Variants in PPP1R7 observed in about 807,000 individuals in gnomAD.
PPP1R7 encodes the protein protein phosphatase 1 regulatory subunit 7.
In PPP1R7, 18 loss-of-function variants were observed where a neutral mutation model predicts 45.2. The ratio of observed to expected loss-of-function variants is 0.40; its 90% confidence interval spans 0.28 to 0.59. PPP1R7 has a LOEUF of 0.59. Among genes scored for constraint, PPP1R7 ranks in the 20% least tolerant of loss-of-function variants. The pLI is 0.46. For synonymous variants in PPP1R7, 181 were observed against 183.4 expected (o/e 0.99, Z 0.11); for missense variants, 314 against 455.8 (o/e 0.69, Z 2.83).
chr2:241,151,536 A>C (rs1253293283), intron 1 of PPP1R7: 1 of 471,224 alleles, frequency 2.1e-6, no homozygotes, highest in Non-Finnish European at 4.4e-6. Context: ...CAAGACGGAG[A>C]AAACTGCTGT....
chr2:241,163,150 G>C (rs2067631370), intron 6 of PPP1R7, 135 bp from the exon 7 acceptor site: 2 of 656,132 alleles, frequency 3.0e-6, no homozygotes, highest in Non-Finnish European at 5.5e-6. Flanking sequence ...TCCACTGGAA[G>C]TCTTAGCAGA....
rs1458086892 is a variant in PPP1R7 at position 241,169,824 on chromosome 2, A to C, written c.863A>C (p.Lys288Thr). ...MLDIASNRIK[K>T]IENISHLTEL... ...GACATTGCATCAAATAGAATCAAAA[A>C]GATTGAAAATATCAGCCATCTAACA... The change falls in exon 9 of 10, where the codon AAG (lysine) becomes ACG (threonine). Residue 288 changes from lysine (K) to threonine (T), a missense_variant. Physicochemically the swap from Lys to Thr is moderately conservative, Grantham distance 78. Around this residue, in one of 3 missense-constraint regions of PPP1R7, gnomAD observed 168 missense variants for 285.3 expected, o/e 0.59. Coordinates refer to ENST00000234038, the MANE Select transcript of PPP1R7 (RefSeq NM_002712.3). 4 of 1,613,152 alleles carry C rather than the reference A, an allele frequency of 2.5e-6. No individual in the cohort carries two copies. Among genetic ancestry groups the C allele is most frequent in the Non-Finnish European group, 3.4e-6 (4 of 1,179,150 alleles).
chr2:241,154,893 A>T (rs2067417281), intron 2 of PPP1R7: 1 of 152,268 alleles, frequency 6.6e-6, no homozygotes, highest in Non-Finnish European at 1.5e-5. Flanking sequence ...ATTTATGAAG[A>T]AACAAACCTA....
intron 6 of PPP1R7, among the ~76,000 whole-genome samples, chr2:241,161,362 G>A (rs1176177217): frequency 2.4e-5 from 3 of 122,744 alleles, no homozygotes; most frequent in African/African-American, 9.6e-5. Flanking sequence ...ACATACCGGG[G>A]CTTTAGAAAG....
chr2:241,163,061 C>G (rs1295715553), intron 6 of PPP1R7, among the ~76,000 whole-genome samples: 1 of 152,126 alleles, frequency 6.6e-6, no homozygotes, highest in African/African-American at 2.4e-5. Context: ...CCTCAGCACC[C>G]CAGGAAATCT....
upstream of PPP1R7, chr2:241,150,210 G>A: frequency 1.6e-6 from 2 of 1,276,430 alleles, no homozygotes; most frequent in African/African-American, 1.5e-5. Flanking sequence ...TCTGCCTGCA[G>A]CTACGGCTCT....
chr2:241,159,425 T>C (rs1299155124), intron 5 of PPP1R7, 82 bp downstream of exon 5: 1 of 1,536,122 alleles, frequency 6.5e-7, no homozygotes, highest in Non-Finnish European at 8.9e-7. Context: ...GCCAACCTCC[T>C]GCTGGCTCTT....
intron 9 of PPP1R7, among the ~76,000 whole-genome samples, chr2:241,178,210 C>T (rs2067940135): frequency 6.6e-6 from 1 of 152,212 alleles, no homozygotes; most frequent in Non-Finnish European, 1.5e-5. Context: ...CTTTCTGCTC[C>T]CCTTCAGTCT....
At chr2:241,165,993 C>T (rs1159546955) in intron 7 of PPP1R7, among the ~76,000 whole-genome samples, 1 of 151,656 alleles carries the variant, frequency 6.6e-6, no homozygotes. Context: ...ATCTCCGCCT[C>T]CCGGGTTCAC....
intron 3 of PPP1R7, 80 bp from the exon 4 acceptor site, chr2:241,158,404 T>A: frequency 7.0e-7 from 1 of 1,427,040 alleles, no homozygotes; most frequent in Non-Finnish European, 9.9e-7. Context: ...TGCTGCCCAC[T>A]TCCAGGCCGC....
At chr2:241,176,291 C>T (rs1283320587) in intron 9 of PPP1R7, among the ~76,000 whole-genome samples, 1 of 152,156 alleles carries the variant, frequency 6.6e-6, no homozygotes, top group African/African-American at 2.4e-5. Context: ...CTACAGATAA[C>T]ATTGGAAAAT....
chr2:241,150,278 T>C, upstream of PPP1R7: 1 of 1,319,276 alleles, frequency 7.6e-7, no homozygotes, highest in South Asian at 2.3e-5. Context: ...TCCAGACTGT[T>C]CCGGCTCCGC....
intron 1 of PPP1R7, 29 bp downstream of exon 1, chr2:241,150,576 A>G (rs909139914): frequency 1.9e-6 from 3 of 1,577,718 alleles, no homozygotes; most frequent in Admixed American, 1.8e-5. Context: ...CGGCGGCCCA[A>G]GGGCCCAGCG....
intron 7 of PPP1R7, among the ~76,000 whole-genome samples, chr2:241,163,860 C>G (rs1309830642): frequency 2.0e-5 from 3 of 152,164 alleles, no homozygotes; most frequent in African/African-American, 7.2e-5. Flanking sequence ...AGTGATCTTC[C>G]TGCCTTGGCC....
At chr2:241,166,157 C>A (rs1288443902) in intron 7 of PPP1R7, among the ~76,000 whole-genome samples, 180 bp from the exon 8 acceptor site, 1 of 152,026 alleles carries the variant, frequency 6.6e-6, no homozygotes, top group African/African-American at 2.4e-5. Context: ...CCCACTCGGC[C>A]TCCCAAAGTG....
intron 2 of PPP1R7, among the ~76,000 whole-genome samples, chr2:241,156,581 C>T (rs1244685855): frequency 1.3e-5 from 2 of 152,118 alleles, no homozygotes; most frequent in African/African-American, 2.4e-5. Flanking sequence ...GAGCCTAAGA[C>T]AAGGATTGCT....
Position 241,167,088 on chromosome 2 carries a change from GC to G in PPP1R7, c.819+652del, listed in dbSNP as rs777507922. 17 of 1,610,054 alleles carry G rather than the reference GC, an allele frequency of 1.1e-5. No homozygotes were observed. In the South Asian group the frequency reaches 1.8e-4, roughly 17 times the overall value. ...TACTGAGGGGAAGTGTGCTCACAGA[GC>G]CCCCACCCTCCTCAGCTGCCTCCAG... On this transcript the variant is annotated intron_variant, in intron 8 of 9. Transcript: ENST00000234038.
At chr2:241,160,898 T>C (rs1178953111) in intron 6 of PPP1R7, among the ~76,000 whole-genome samples, 1 of 151,524 alleles carries the variant, frequency 6.6e-6, no homozygotes, top group Non-Finnish European at 1.5e-5. Flanking sequence ...TGGAGTGAAC[T>C]GATGTACATA....
chr2:241,182,191 T>C (rs1416487949), intron 9 of PPP1R7, among the ~76,000 whole-genome samples: 1 of 152,112 alleles, frequency 6.6e-6, no homozygotes, highest in East Asian at 1.9e-4. Context: ...GAGAGAGCCA[T>C]AGAGGTAATT....
Sources: allele counts gnomAD v4.1 joint callset (sites outside exome capture counted in the v4.1 genomes callset), GRCh38; gene constraint gnomAD v4.1.1; regional missense constraint gnomAD v4.1.1; transcripts MANE v1.5; gene names NCBI Gene and HGNC (gene_info 2026-07-23, HGNC 2026-07-21).